MEOX2: variants seen among roughly 807,000 people sequenced by gnomAD.
The protein encoded by MEOX2 is homeobox protein MOX-2.
In MEOX2, 11 loss-of-function variants were observed where a neutral mutation model predicts 27.0. The observed-to-expected ratio is 0.41, with a 90% CI of 0.26 to 0.68. MEOX2 has a LOEUF of 0.68. MEOX2 is among the 30% of genes least tolerant of loss of function. MEOX2 has a pLI of 0.33. For synonymous variants in MEOX2, 189 were observed against 155.4 expected (o/e 1.22, Z -1.61); for missense variants, 436 against 385.4 (o/e 1.13, Z -1.10).
intron 2 of MEOX2, among the ~76,000 whole-genome samples, chr7:15,624,138 C>A (rs1389227550): frequency 6.6e-6 from 1 of 152,146 alleles, no homozygotes; most frequent in Non-Finnish European, 1.5e-5. Context: ...AATCAGCAAA[C>A]CTTGGATTTT....
At chr7:15,653,598 T>TATC (rs1781773828) in intron 1 of MEOX2, among the ~76,000 whole-genome samples, 1 of 152,048 alleles carries the variant, frequency 6.6e-6, no homozygotes, top group Non-Finnish European at 1.5e-5. Context: ...TTATTCTAAG[T>TATC]ATCATAAGTG....
intron 1 of MEOX2, among the ~76,000 whole-genome samples, chr7:15,646,979 A>G (rs1781660696): frequency 2.0e-5 from 3 of 151,968 alleles, no homozygotes; most frequent in African/African-American, 7.2e-5. Flanking sequence ...GTGCATTTAT[A>G]TATCTGGACA....
intron 1 of MEOX2, chr7:15,681,053 G>A (rs187997540): frequency 1.3e-5 from 2 of 151,006 alleles, no homozygotes; most frequent in African/African-American, 4.8e-5. Context: ...AGAAAATTTG[G>A]GTGAGATAAA....
At position 15,612,397 on chromosome 7, in the gene MEOX2, G is replaced by C. The variant is rs1381131517; in HGVS notation, c.905C>G (p.Ala302Gly). 1 of 1,613,140 alleles carries C rather than the reference G, an allele frequency of 6.2e-7. No individual in the cohort carries two copies. The highest frequency in any genetic ancestry group is 1.1e-5 in the South Asian group (1 of 91,054). Reference sequence around the variant, plus strand: ...GGTCCTCTGTTTATATCATAAGTGCGCATGCTCTGAGCTGTGGTCACTGTC... The same window carrying C: ...GGTCCTCTGTTTATATCATAAGTGCCCATGCTCTGAGCTGTGGTCACTGTC... ...SHDSDHSSEH[A>G]HL Residue 302 changes from alanine (A) to glycine (G), a missense_variant, in exon 3 of 3, where the codon GCG becomes GGG. Transcript: ENST00000262041.
chr7:15,648,477 G>C (rs1781684167), intron 1 of MEOX2, among the ~76,000 whole-genome samples: 1 of 152,014 alleles, frequency 6.6e-6, no homozygotes, highest in Non-Finnish European at 1.5e-5. Context: ...CTCTCTTTTG[G>C]AAACTGTATA....
At chr7:15,632,724 A>C (rs1436804006) in intron 1 of MEOX2, among the ~76,000 whole-genome samples, 2 of 151,996 alleles carry the variant, frequency 1.3e-5, no homozygotes, top group Non-Finnish European at 2.9e-5. Flanking sequence ...ACACAAAAAC[A>C]AAACCGGGAC....
chr7:15,640,536 C>G (rs1230897164), intron 1 of MEOX2, among the ~76,000 whole-genome samples: 1 of 152,046 alleles, frequency 6.6e-6, no homozygotes, highest in Non-Finnish European at 1.5e-5. Context: ...GCTTGCCCTG[C>G]TAGGACTTTC....
At chr7:15,684,330 T>C (rs1008842749) in intron 1 of MEOX2, among the ~76,000 whole-genome samples, 1 of 152,238 alleles carries the variant, frequency 6.6e-6, no homozygotes, top group Non-Finnish European at 1.5e-5. Flanking sequence ...AAATCGACTG[T>C]TTTTCTAATA....
chr7:15,645,606 A>G (rs1781629664), intron 1 of MEOX2, among the ~76,000 whole-genome samples: 1 of 152,132 alleles, frequency 6.6e-6, no homozygotes, highest in African/African-American at 2.4e-5. Flanking sequence ...AGAAATGTAA[A>G]GAATTGGTTG....
intron 1 of MEOX2, chr7:15,679,427 C>T (rs974454772): frequency 6.6e-6 from 1 of 152,010 alleles, no homozygotes; most frequent in Non-Finnish European, 1.5e-5. Context: ...CTTTAAGAAA[C>T]ATACGTCTAA....
chr7:15,685,952 G>T lies in MEOX2; in HGVS notation c.451C>A (p.Arg151Ser), dbSNP rs202079444. 76 of 1,611,340 alleles carry T rather than the reference G, an allele frequency of 4.7e-5. No individual in the cohort carries two copies. Among genetic ancestry groups the T allele is most frequent in the Non-Finnish European group, 1.9e-5 (22 of 1,179,552 alleles). The change falls in exon 1 of 3, where the codon CGC (arginine) becomes AGC (serine). Residue 151 changes from arginine to serine, a missense_variant. Physicochemically the swap from Arg to Ser is moderately radical, Grantham distance 110. Transcript: ENST00000262041. Reference protein sequence around the residue: ...GAACAPGDYGRQALSPAEAEK... With the variant: ...GAACAPGDYGSQALSPAEAEK... ...GCCTCCGCAGGTGACAGTGCCTGGC[G>T]GCCGTAGTCCCCCGGCGCGCACGCG...
chr7:15,673,014 C>T (rs754922326), intron 1 of MEOX2, among the ~76,000 whole-genome samples: 4 of 152,288 alleles, frequency 2.6e-5, no homozygotes, highest in Non-Finnish European at 4.4e-5. Context: ...CAAGCATCTT[C>T]GAAATTTGCC....
rs541241378 is a variant in MEOX2 at position 15,684,743 on chromosome 7, T to C, written c.517+1143A>G. Among the ~76,000 whole-genome samples the C allele has an allele frequency of 4.6e-5, 7 of 152,342 alleles. No homozygotes were observed. In the South Asian group the frequency reaches 1.0e-3, roughly 23 times the overall value. On this transcript the variant is annotated intron_variant, in intron 1 of 2. Coordinates refer to ENST00000262041, the MANE Select transcript of MEOX2 (RefSeq NM_005924.5). The stretch of plus-strand genomic sequence containing the variant: ...CCAATTCCACAGAGGAAGAAAAATA[T>C]GCAAATATTATATTAAACAAATGAC...
At chr7:15,666,478 C>G (rs555424590) in intron 1 of MEOX2, among the ~76,000 whole-genome samples, 82 of 151,982 alleles carry the variant, frequency 5.4e-4, no homozygotes, top group African/African-American at 1.8e-3. Context: ...ATGGGGCCGG[C>G]TGAGGTGGCT....
At chr7:15,671,112 G>C (rs555702616) in intron 1 of MEOX2, among the ~76,000 whole-genome samples, 2 of 152,192 alleles carry the variant, frequency 1.3e-5, no homozygotes, top group South Asian at 4.1e-4. Context: ...TTTAAATGCT[G>C]TAATTTTCCA....
intron 2 of MEOX2, among the ~76,000 whole-genome samples, chr7:15,625,971 C>A (rs553926135): frequency 2.6e-5 from 4 of 152,034 alleles, no homozygotes; most frequent in African/African-American, 9.7e-5. Flanking sequence ...TTACTGACAC[C>A]GATACAATTT....
chr7:15,676,268 T>C (rs1388971690), intron 1 of MEOX2: 1 of 152,302 alleles, frequency 6.6e-6, no homozygotes, highest in East Asian at 1.9e-4. Context: ...TAAAAAGAAA[T>C]TATATCACCA....
intron 2 of MEOX2, among the ~76,000 whole-genome samples, chr7:15,615,343 A>C (rs1781104958): frequency 6.6e-6 from 1 of 151,914 alleles, no homozygotes; most frequent in African/African-American, 2.4e-5. Context: ...GTTTGATTCC[A>C]GATTCTGGGT....
At chr7:15,650,445 T>C (rs1781717111) in intron 1 of MEOX2, among the ~76,000 whole-genome samples, 1 of 152,126 alleles carries the variant, frequency 6.6e-6, no homozygotes, top group East Asian at 1.9e-4. Flanking sequence ...ACCTTTCAAT[T>C]TGCTTTTACT....
Sources: allele counts gnomAD v4.1 joint callset (sites outside exome capture counted in the v4.1 genomes callset), GRCh38; gene constraint gnomAD v4.1.1; transcripts MANE v1.5; gene names NCBI Gene and HGNC (gene_info 2026-07-23, HGNC 2026-07-21).